Variants in OPCML observed in about 807,000 individuals in gnomAD.
OPCML encodes the protein opioid binding protein/cell adhesion molecule like, also known as opioid-binding protein/cell adhesion molecule.
A neutral mutation model predicts 37.8 loss-of-function variants in OPCML; 13 were observed. The ratio of observed to expected loss-of-function variants is 0.34; its 90% CI spans 0.22 to 0.55. The LOEUF (loss-of-function observed/expected upper bound fraction) is 0.55. Among genes scored for constraint, OPCML ranks in the 20% least tolerant of loss-of-function variants. The pLI is 0.91. For synonymous variants in OPCML, 176 were observed against 168.8 expected (o/e 1.04, Z -0.33); for missense variants, 341 against 435.6 (o/e 0.78, Z 1.93).
chr11:133,348,080 T>G (rs1368709235), intron 1 of OPCML, among the ~76,000 whole-genome samples: 3 of 152,214 alleles, frequency 2.0e-5, no homozygotes, highest in Non-Finnish European at 4.4e-5. Flanking sequence ...CTGTTCTTTC[T>G]CTGGGAGAGA....
chr11:133,139,101 C>T (rs527483908), intron 1 of OPCML, among the ~76,000 whole-genome samples: 23 of 152,260 alleles, frequency 1.5e-4, no homozygotes, highest in Admixed American at 6.5e-4. Flanking sequence ...GGTGCCTCCA[C>T]GAGCCCACAA....
At chr11:133,512,927 C>T (rs1245112898) in intron 1 of OPCML, among the ~76,000 whole-genome samples, 1 of 152,186 alleles carries the variant, frequency 6.6e-6, no homozygotes, top group Admixed American at 6.5e-5. Flanking sequence ...ATCACAATAT[C>T]ACACCATGTA....
chr11:133,125,843 C>G (rs1227202885), intron 1 of OPCML, among the ~76,000 whole-genome samples: 1 of 142,192 alleles, frequency 7.0e-6, no homozygotes, highest in African/African-American at 2.6e-5. Flanking sequence ...TATATAGACA[C>G]ATGTATATAG....
intron 1 of OPCML, among the ~76,000 whole-genome samples, chr11:133,092,090 G>A (rs1948915437): frequency 6.6e-6 from 1 of 152,088 alleles, no homozygotes; most frequent in African/African-American, 2.4e-5. Flanking sequence ...AAAAGCTTGA[G>A]GGGGTGAATT....
rs77088544 is a variant in OPCML at position 132,990,850 on chromosome 11, G to C, written c.62-47840C>G. On this transcript the variant is annotated intron_variant, in intron 1 of 7. Coordinates refer to ENST00000524381, the MANE Select transcript of OPCML (RefSeq NM_001012393.5). Reference sequence around the variant, plus strand: ...GTAACTAACCTCACTGGATTACTGGGTGGAGTCATAAAATGTGGTAGCTTA... The same window carrying C: ...GTAACTAACCTCACTGGATTACTGGCTGGAGTCATAAAATGTGGTAGCTTA... Among the ~76,000 whole-genome samples the C allele has an allele frequency of 3.2e-3, 489 of 152,262 alleles. 3 individuals are homozygous for C. The highest frequency in any genetic ancestry group is 0.011 in the African/African-American group (471 of 41,534).
At chr11:132,832,817 A>G (rs968631682) in intron 2 of OPCML, among the ~76,000 whole-genome samples, 5 of 152,248 alleles carry the variant, frequency 3.3e-5, no homozygotes, top group African/African-American at 4.8e-5. Flanking sequence ...ACAAGCCTGT[A>G]CGGCACGTAA....
intron 1 of OPCML, among the ~76,000 whole-genome samples, chr11:133,100,617 AAATAGATC>A (rs1949071739): frequency 2.0e-5 from 3 of 152,230 alleles, no homozygotes; most frequent in African/African-American, 7.2e-5. Flanking sequence ...TAGAACAGAC[AAATAGATC>A]AATAGAACAG....
intron 2 of OPCML, among the ~76,000 whole-genome samples, chr11:132,870,903 A>T (rs1942770079): frequency 6.6e-6 from 1 of 152,182 alleles, no homozygotes; most frequent in Non-Finnish European, 1.5e-5. Context: ...AGGGGTAAGG[A>T]GGTGTGGCTT....
rs545304988 is a variant in OPCML at position 133,246,590 on chromosome 11, C to A, written c.61+285674G>T. Among the ~76,000 whole-genome samples, 4 of 152,294 alleles carry A rather than the reference C, an allele frequency of 2.6e-5. No homozygotes were observed. The East Asian group carries it at 7.7e-4, about 29-fold the overall frequency. On this transcript the variant is annotated intron_variant, in intron 1 of 7. Transcript: ENST00000524381. ...GTCAGGGCCCATAAGTAGCCCAGTG[C>A]TGCTGAAGGTCAGGGAGAGGACAGA... is the stretch of plus-strand genomic sequence containing the variant.
At chr11:133,371,610 C>T (rs1944677686) in intron 1 of OPCML, among the ~76,000 whole-genome samples, 1 of 152,188 alleles carries the variant, frequency 6.6e-6, no homozygotes, top group South Asian at 2.1e-4. Context: ...TATCCTCTCT[C>T]CTGCCGCCTT....
intron 3 of OPCML, among the ~76,000 whole-genome samples, chr11:132,646,499 T>C (rs1470752452): frequency 6.6e-6 from 1 of 152,120 alleles, no homozygotes; most frequent in African/African-American, 2.4e-5. Flanking sequence ...GACAACACTG[T>C]TAAAATGAAT....
chr11:133,494,012 CA>C (rs11299378), intron 1 of OPCML, among the ~76,000 whole-genome samples: 61,131 of 139,388 alleles, frequency 0.44, 16,230 homozygotes, highest in African/African-American at 0.77. Context: ...AACAAATTTA[CA>C]AAAAAAAAAA....
intron 2 of OPCML, among the ~76,000 whole-genome samples, chr11:132,822,917 T>C (rs1940077921): frequency 6.6e-6 from 1 of 152,180 alleles, no homozygotes; most frequent in Admixed American, 6.5e-5. Context: ...CATTTGTAAA[T>C]GAAGACTATA....
intron 1 of OPCML, among the ~76,000 whole-genome samples, chr11:133,153,591 A>G (rs1334705733): frequency 6.6e-6 from 1 of 152,074 alleles, no homozygotes; most frequent in Non-Finnish European, 1.5e-5. Context: ...GGAAATATCC[A>G]AGACTCTAAG....
chr11:132,494,900 A>T (rs977774473), intron 4 of OPCML, among the ~76,000 whole-genome samples: 1 of 152,200 alleles, frequency 6.6e-6, no homozygotes. Context: ...AGAGGAAGCT[A>T]TTAATTGTCT....
intron 2 of OPCML, among the ~76,000 whole-genome samples, chr11:132,681,769 C>A (rs990729545): frequency 2.0e-5 from 3 of 152,020 alleles, no homozygotes; most frequent in Non-Finnish European, 2.9e-5. Flanking sequence ...TCCTGGCTAA[C>A]ACGGTGAAAC....
intron 3 of OPCML, among the ~76,000 whole-genome samples, chr11:132,632,766 T>C (rs1591648969): frequency 6.6e-6 from 1 of 152,150 alleles, no homozygotes; most frequent in Non-Finnish European, 1.5e-5. Flanking sequence ...AGCCAAACTA[T>C]GCAAATGTGG....
At chr11:132,726,646 G>A (rs141384194) in intron 2 of OPCML, among the ~76,000 whole-genome samples, 50 of 152,184 alleles carry the variant, frequency 3.3e-4, no homozygotes, top group African/African-American at 1.0e-3. Context: ...AGAGTTGAGC[G>A]GGCAGCGTAA....
intron 1 of OPCML, among the ~76,000 whole-genome samples, chr11:133,131,171 C>A (rs1482167174): frequency 6.6e-6 from 1 of 152,094 alleles, no homozygotes; most frequent in East Asian, 1.9e-4. Context: ...TCAGCAGACA[C>A]TAAATGTGTG....
Sources: gnomAD v4.1 joint callset for allele counts (sites outside exome capture counted in the v4.1 genomes callset) on GRCh38, gnomAD v4.1.1 for gene constraint, MANE v1.5 for transcripts, NCBI Gene and HGNC (gene_info 2026-07-23, HGNC 2026-07-21) for gene names.